The following TUBB6 variants were observed in gnomAD, a reference collection of about 807,000 sequenced individuals.
TUBB6 encodes the protein tubulin beta-6 chain.
Under a neutral mutation model 32.3 loss-of-function variants are expected in TUBB6, and 18 were observed. That is an observed-to-expected ratio of 0.56 (90% CI 0.39 to 0.83). The LOEUF (loss-of-function observed/expected upper bound fraction) is 0.83. Ranked by LOEUF, TUBB6 falls within the 40% of genes least tolerant of loss-of-function variation. The probability of loss-of-function intolerance (pLI) is 0.00; values close to 1 mark genes in which losing one functional copy is unlikely to be tolerated. For synonymous variants in TUBB6, 280 were observed against 265.8 expected, an observed-to-expected ratio of 1.05 and a Z score of -0.52; for missense variants, 480 against 632.0, an observed-to-expected ratio of 0.76 and a Z score of 2.58.
intron 3 of TUBB6, among the ~76,000 whole-genome samples, chr18:12,316,175 A>G (rs1241946012): frequency 3.9e-5 from 6 of 152,260 alleles, no homozygotes; most frequent in Admixed American, 3.3e-4. Context: ...AGTCGAAGCC[A>G]TGAACTGATC....
At chr18:12,320,010 A>C (rs1008117016) in intron 3 of TUBB6, among the ~76,000 whole-genome samples, 4 of 152,036 alleles carry the variant, frequency 2.6e-5, no homozygotes, top group Admixed American at 6.6e-5. Flanking sequence ...GGATGGTCTC[A>C]ATCTCCTGAC....
downstream of TUBB6, among the ~76,000 whole-genome samples, chr18:12,328,051 C>A (rs1442210908): frequency 6.6e-6 from 1 of 152,248 alleles, no homozygotes; most frequent in African/African-American, 2.4e-5. Flanking sequence ...AAGGAAGTGG[C>A]CAGTGTGGCA....
At chr18:12,329,671 G>A (rs763166296), downstream of TUBB6, 6 of 1,614,054 alleles carry the variant, frequency 3.7e-6, no homozygotes, top group Non-Finnish European at 4.2e-6. Flanking sequence ...CAAGCTGCCA[G>A]TGCCTTCCAC....
At chr18:12,328,472 C>G (rs1452018441), downstream of TUBB6, among the ~76,000 whole-genome samples, 1 of 152,190 alleles carries the variant, frequency 6.6e-6, no homozygotes, top group Non-Finnish European at 1.5e-5. Context: ...AAGCACATAA[C>G]CAATAACTCC....
chr18:12,308,377 C>T (rs1381461290), intron 1 of TUBB6, 28 bp downstream of exon 1: 1 of 1,391,014 alleles, frequency 7.2e-7, no homozygotes, highest in Non-Finnish European at 9.3e-7. Flanking sequence ...CAGGGCCTCT[C>T]CGCGGGTCGG....
At position 12,325,929 on chromosome 18, in the gene TUBB6, C is replaced by T. The variant is rs1286609371; in HGVS notation, c.1140C>T (p.Arg380=). 2 of 1,614,070 alleles carry T rather than the reference C, an allele frequency of 1.2e-6. No individual in the cohort carries two copies. The highest frequency in any genetic ancestry group is 1.3e-5 in the African/African-American group (1 of 75,072). Residue 380 remains arginine, a synonymous_variant, in exon 4 of 4, where the codon CGC becomes CGT. Coordinates refer to ENST00000317702, the MANE Select transcript of TUBB6 (RefSeq NM_032525.3). ...NSTAIQELFK[R]ISEQFSAMFR... ...CGGCCATCCAGGAGCTGTTCAAGCG[C>T]ATCTCCGAGCAGTTCTCAGCCATGT...
At chr18:12,310,890 A>G in intron 2 of TUBB6, 53 bp from the exon 3 acceptor site, 2 of 1,328,146 alleles carry the variant, frequency 1.5e-6, no homozygotes, top group Admixed American at 4.3e-5. Flanking sequence ...GGGGAAGTCA[A>G]TTACTTTAGA....
chr18:12,311,686 T>C (rs1377535741), intron 3 of TUBB6, among the ~76,000 whole-genome samples: 1 of 152,210 alleles, frequency 6.6e-6, no homozygotes, highest in Non-Finnish European at 1.5e-5. Context: ...TATTTTGCCA[T>C]TTGTTTTTGG....
chr18:12,307,792 G>C (rs2144118706), upstream of TUBB6: 1 of 152,482 alleles, frequency 6.6e-6, no homozygotes, highest in Admixed American at 6.5e-5. Context: ...TGCGACCGGG[G>C]GGTGGGGGGC....
At chr18:12,320,467 G>A (rs971520870) in intron 3 of TUBB6, 1 of 151,958 alleles carries the variant, frequency 6.6e-6, no homozygotes, top group Non-Finnish European at 1.5e-5. Context: ...GGAACAAAAG[G>A]GTATATAGTG....
intron 3 of TUBB6, among the ~76,000 whole-genome samples, chr18:12,320,250 C>A (rs897043925): frequency 8.0e-6 from 1 of 125,344 alleles, no homozygotes; most frequent in Non-Finnish European, 1.7e-5. Flanking sequence ...ATAAAAAATT[C>A]CTTTTTTATA....
chr18:12,309,866 C>T (rs1474751842), intron 2 of TUBB6, among the ~76,000 whole-genome samples: 1 of 152,190 alleles, frequency 6.6e-6, no homozygotes, highest in Non-Finnish European at 1.5e-5. Flanking sequence ...GGGGAAACAG[C>T]CAGTGGCGTG....
chr18:12,318,756 TTTTGTTTG>T (rs56312490), intron 3 of TUBB6, among the ~76,000 whole-genome samples: 1 of 150,420 alleles, frequency 6.6e-6, no homozygotes, highest in Non-Finnish European at 1.5e-5. Flanking sequence ...AAATGTGTGG[TTTTGTTTG>T]TTTGTTTGTT....
intron 2 of TUBB6, among the ~76,000 whole-genome samples, chr18:12,310,222 G>C (rs189825564): frequency 6.6e-6 from 1 of 151,960 alleles, no homozygotes; most frequent in African/African-American, 2.4e-5. Flanking sequence ...AGGCACGGTG[G>C]CTCACCCCTG....
At chr18:12,311,320 AG>A (rs1356971045) in intron 3 of TUBB6, among the ~76,000 whole-genome samples, 2 of 152,126 alleles carry the variant, frequency 1.3e-5, no homozygotes, top group Non-Finnish European at 2.9e-5. Flanking sequence ...AAATCAAGCC[AG>A]GCGCGGTGGC....
downstream of TUBB6, chr18:12,328,972 TTTA>T (rs2143070705): frequency 1.7e-6 from 1 of 573,064 alleles, no homozygotes; most frequent in East Asian, 2.8e-5. Context: ...GTGTTGACAT[TTTA>T]TTTTTTATGT....
At chr18:12,324,360 A>T (rs1453653680) in intron 3 of TUBB6, among the ~76,000 whole-genome samples, 1 of 152,086 alleles carries the variant, frequency 6.6e-6, no homozygotes, top group Non-Finnish European at 1.5e-5. Flanking sequence ...ACAGAGTGAG[A>T]CTGCGTCTCC....
chr18:12,317,087 C>T (rs1005258244), intron 3 of TUBB6, among the ~76,000 whole-genome samples: 2 of 146,936 alleles, frequency 1.4e-5, no homozygotes, highest in Admixed American at 7.0e-5. Context: ...ACCTGAGAGG[C>T]GGAGGTTGCA....
intron 2 of TUBB6, among the ~76,000 whole-genome samples, chr18:12,310,060 T>C (rs1598798900): frequency 6.6e-6 from 1 of 152,036 alleles, no homozygotes; most frequent in Non-Finnish European, 1.5e-5. Context: ...AGCTGGAAAA[T>C]ACAGTAGGCA....
Sources: allele counts gnomAD v4.1 joint callset (sites outside exome capture counted in the v4.1 genomes callset), GRCh38; gene constraint gnomAD v4.1.1; transcripts MANE v1.5; gene names NCBI Gene and HGNC (gene_info 2026-07-23, HGNC 2026-07-21).